The following NOS2 variants were observed in gnomAD, a reference collection of about 807,000 sequenced individuals.
NOS2 encodes the protein nitric oxide synthase, inducible.
A neutral mutation model predicts 136.0 loss-of-function variants in NOS2; 96 were observed. That is an observed-to-expected ratio of 0.71 (90% CI 0.60 to 0.84). The LOEUF is 0.84. NOS2 is among the 40% of genes least tolerant of loss of function. The probability of loss-of-function intolerance (pLI) is 0.00; values close to 1 mark genes in which losing one functional copy is unlikely to be tolerated. For missense variants in NOS2, 1,237 were observed against 1,496.9 expected (o/e 0.83, Z 2.87); for synonymous variants, 539 against 587.5 (o/e 0.92, Z 1.20).
At chr17:27,760,295 T>C in intron 24 of NOS2, 117 bp from the exon 25 acceptor site, 1 of 1,123,414 alleles carries the variant, frequency 8.9e-7, no homozygotes. Flanking sequence ...TATCCCCACT[T>C]TACAGATGAG....
chr17:27,774,664 G>A (rs1211859626), intron 11 of NOS2, among the ~76,000 whole-genome samples: 1 of 152,236 alleles, frequency 6.6e-6, no homozygotes, highest in Non-Finnish European at 1.5e-5. Flanking sequence ...AAGCACATTA[G>A]TCAGGGTCAG....
intron 26 of NOS2, among the ~76,000 whole-genome samples, chr17:27,758,396 A>T (rs1332204961): frequency 6.6e-6 from 1 of 152,210 alleles, no homozygotes; most frequent in Non-Finnish European, 1.5e-5. Context: ...GGCAAGCAGT[A>T]TGCCCAGTGT....
Position 27,789,689 on chromosome 17 carries a change from C to T in NOS2, c.111-1G>A. ...CTGAAGGTCATCCTGTGTCACTGGACTGTGAAAGGAAACAGCTAGCATGAG... is the reference window on the plus strand; with the variant it reads ...CTGAAGGTCATCCTGTGTCACTGGATTGTGAAAGGAAACAGCTAGCATGAG... On this transcript the variant is annotated splice_acceptor_variant, in intron 2 of 26. Transcript: ENST00000313735. LOFTEE classifies it high-confidence loss of function. 1 of 1,612,664 alleles carries T rather than the reference C, an allele frequency of 6.2e-7. No individual in the cohort carries two copies. The highest frequency in any genetic ancestry group is 8.5e-7 in the Non-Finnish European group (1 of 1,178,696).
intron 5 of NOS2, among the ~76,000 whole-genome samples, chr17:27,784,002 G>A (rs371893662): frequency 8.5e-5 from 13 of 152,246 alleles, no homozygotes; most frequent in Admixed American, 7.2e-4. Flanking sequence ...TCTCTAAACC[G>A]TGCTGTTCCT....
chr17:27,792,574 C>T (rs1909224526), intron 2 of NOS2, among the ~76,000 whole-genome samples: 1 of 152,140 alleles, frequency 6.6e-6, no homozygotes, highest in East Asian at 1.9e-4. Context: ...AATCTGGACA[C>T]TTCTTTCCAA....
At position 27,798,708 on chromosome 17, in the gene NOS2, G is replaced by A. The variant is rs145012201; in HGVS notation, c.102C>T (p.Ala34=). 1.2e-5 allele frequency: 19 copies of A among 1,609,272 alleles called. No homozygotes were observed. Among genetic ancestry groups the A allele is most frequent in the East Asian group, 2.2e-5 (1 of 44,864 alleles). The change falls in exon 2 of 27, where the codon GCC becomes GCT. Residue 34 remains alanine, a synonymous_variant. Coordinates refer to ENST00000313735, the MANE Select transcript of NOS2 (RefSeq NM_000625.4). ...INNNVEKAPC[A]TSSPVTQDDL... ...CCCCAGGGAAAACTCACCTGGAGGT[G>A]GCACAGGGGGCTTTCTCCACATTGT...
chr17:27,781,250 C>G (rs1718424677), intron 7 of NOS2, 73 bp from the exon 8 acceptor site: 1 of 1,495,478 alleles, frequency 6.7e-7, no homozygotes, highest in African/African-American at 1.4e-5. Context: ...ACTGGCCCTA[C>G]CTCCCTCTCC....
intron 2 of NOS2, among the ~76,000 whole-genome samples, chr17:27,794,223 A>G (rs1909283215): frequency 6.6e-6 from 1 of 151,996 alleles, no homozygotes; most frequent in African/African-American, 2.4e-5. Flanking sequence ...ACCACCTCAC[A>G]AGGCTGTCCC....
intron 2 of NOS2, among the ~76,000 whole-genome samples, 190 bp downstream of exon 2, chr17:27,798,510 C>A (rs922346854): frequency 2.0e-5 from 3 of 152,156 alleles, no homozygotes; most frequent in African/African-American, 7.2e-5. Context: ...CTTCACATAC[C>A]GTCAGGCACA....
At chr17:27,766,399 G>T in intron 19 of NOS2, 111 bp downstream of exon 19, 1 of 978,016 alleles carries the variant, frequency 1.0e-6, no homozygotes, top group African/African-American at 1.6e-5. Flanking sequence ...GGCTGCTAAT[G>T]CCAGCATATG....
At chr17:27,766,994 C>G (rs1373947307) in intron 18 of NOS2, among the ~76,000 whole-genome samples, 1 of 139,792 alleles carries the variant, frequency 7.2e-6, no homozygotes, top group Non-Finnish European at 1.5e-5. Flanking sequence ...GACCGAGACT[C>G]CGTCTCAAAA....
chr17:27,782,201 A>G (rs1216991191), intron 6 of NOS2, 95 bp from the exon 7 acceptor site: 2 of 1,053,812 alleles, frequency 1.9e-6, no homozygotes, highest in Non-Finnish European at 2.9e-6. Flanking sequence ...AGTGCAGCCG[A>G]AACACTCAAC....
At chr17:27,780,389 C>A (rs1908803413) in intron 9 of NOS2, among the ~76,000 whole-genome samples, 1 of 152,170 alleles carries the variant, frequency 6.6e-6, no homozygotes, top group African/African-American at 2.4e-5. Context: ...TCACTGCAGC[C>A]CTATATGATC....
rs1417902722 is a variant in NOS2 at position 27,771,152 on chromosome 17, G to A, written c.1705-135C>T. 38 of 650,746 alleles carry A rather than the reference G, an allele frequency of 5.8e-5. 1 individual carries two copies. Among genetic ancestry groups the A allele is most frequent in the Admixed American group, 5.0e-4 (21 of 41,896 alleles). The allele number at this position is 650,746 out of a possible 1,614,324, so 40.3% of individuals were successfully genotyped here. ...TGCTCATCTGTCTCTCCCAGGGCCCGGCACAGGCGTGGCACAGAGGACGTG... is the reference window on the plus strand; with the variant it reads ...TGCTCATCTGTCTCTCCCAGGGCCCAGCACAGGCGTGGCACAGAGGACGTG... On this transcript the variant is annotated intron_variant, in intron 14 of 26. Coordinates refer to ENST00000313735, the MANE Select transcript of NOS2 (RefSeq NM_000625.4).
chr17:27,758,600 G>C (rs7213691), intron 26 of NOS2, among the ~76,000 whole-genome samples: 1 of 152,228 alleles, frequency 6.6e-6, no homozygotes, highest in Non-Finnish European at 1.5e-5. Flanking sequence ...TTCTGAAAGG[G>C]GGGTTTGGGG....
chr17:27,765,840 A>G (rs2151326309), intron 19 of NOS2, 124 bp from the exon 20 acceptor site: 1 of 1,071,338 alleles, frequency 9.3e-7, no homozygotes. Context: ...TCCACAAGCT[A>G]GGCCACCACC....
intron 11 of NOS2, among the ~76,000 whole-genome samples, chr17:27,777,123 C>G (rs565606234): frequency 2.0e-5 from 3 of 152,358 alleles, no homozygotes; most frequent in South Asian, 2.1e-4. Flanking sequence ...CTTCCCCTCC[C>G]CCGTCAAGCA....
intron 17 of NOS2, among the ~76,000 whole-genome samples, chr17:27,768,214 G>A (rs1333953993): frequency 2.6e-5 from 4 of 151,806 alleles, no homozygotes; most frequent in African/African-American, 9.7e-5. Flanking sequence ...ACCAAGCCCA[G>A]CCAATTTTCT....
intron 22 of NOS2, among the ~76,000 whole-genome samples, chr17:27,761,755 G>A (rs1396603930): frequency 2.0e-5 from 3 of 152,094 alleles, no homozygotes; most frequent in Non-Finnish European, 4.4e-5. Context: ...CCTCCTCAGT[G>A]GGCCCTCCTG....
Sources: allele counts gnomAD v4.1 joint callset (sites outside exome capture counted in the v4.1 genomes callset), GRCh38; gene constraint gnomAD v4.1.1; transcripts MANE v1.5; gene names NCBI Gene and HGNC (gene_info 2026-07-23, HGNC 2026-07-21).